The following DLGAP1 variants were observed in gnomAD, a reference collection of about 807,000 sequenced individuals.
DLGAP1 encodes DLG associated protein 1.
Under a neutral mutation model 90.8 loss-of-function variants are expected in DLGAP1, and 11 were observed. The observed-to-expected ratio is 0.12, with a 90% CI of 0.08 to 0.20. The LOEUF (loss-of-function observed/expected upper bound fraction) is 0.20. Among genes scored for constraint, DLGAP1 ranks in the 10% least tolerant of loss-of-function variants. The pLI, the probability that DLGAP1 is intolerant of heterozygous loss-of-function variation, is 1.00. For missense variants in DLGAP1, 1,050 were observed against 1,333.8 expected (o/e 0.79, Z 3.31); for synonymous variants, 558 against 540.7 (o/e 1.03, Z -0.44).
In DLGAP1 at chr18:4,388,356, GCA is replaced by G. The variant is rs572084029; in HGVS notation, c.-267+66648_-267+66649del. ...TTTCAGTTTTGCACATGTGCCTGTG[GCA>G]CATCCATAGGGAAGTATGTAGGAGG... On this transcript the variant is annotated intron_variant, in intron 1 of 12. Transcript: ENST00000315677. Among the ~76,000 whole-genome samples the G allele has an allele frequency of 7.2e-5, 11 of 152,182 alleles. No homozygotes were observed. The East Asian group carries it at 2.1e-3, about 30-fold the overall frequency.
intron 1 of DLGAP1, among the ~76,000 whole-genome samples, chr18:4,272,759 C>T (rs747735537): frequency 5.9e-5 from 9 of 152,188 alleles, no homozygotes; most frequent in Non-Finnish European, 1.3e-4. Flanking sequence ...TGTTCAAGTG[C>T]TAACCCTTGA....
intron 3 of DLGAP1, among the ~76,000 whole-genome samples, chr18:3,928,974 A>C (rs1360119122): frequency 1.3e-5 from 2 of 152,078 alleles, no homozygotes; most frequent in Non-Finnish European, 2.9e-5. Flanking sequence ...AGTTCTCACG[A>C]GATCTGATTG....
intron 4 of DLGAP1, among the ~76,000 whole-genome samples, chr18:3,847,176 AAAAT>A (rs1383019847): frequency 6.6e-6 from 1 of 152,204 alleles, no homozygotes; most frequent in African/African-American, 2.4e-5. Context: ...TTGGCCTAAG[AAAAT>A]AAATCCTGTT....
chr18:3,874,268 TCTCGGTCTG>T, intron 4 of DLGAP1: 1 of 1,549,750 alleles, frequency 6.5e-7, no homozygotes, highest in Non-Finnish European at 8.7e-7. Flanking sequence ...GTGCTTTCCT[TCTCGGTCTG>T]TCTTGCTCTC....
chr18:3,647,500 C>G (rs1599712031), intron 7 of DLGAP1, among the ~76,000 whole-genome samples: 1 of 148,840 alleles, frequency 6.7e-6, no homozygotes, highest in African/African-American at 2.5e-5. Context: ...GAGACTTGCT[C>G]TGTCACCCAG....
At position 4,222,721 on chromosome 18, in the gene DLGAP1, A is replaced by G. The variant is rs1784715; in HGVS notation, c.-266-71434T>C. Among the ~76,000 whole-genome samples the G allele has an allele frequency of 3.4e-5, 5 of 146,346 alleles. No individual in the cohort carries two copies. In the Admixed American group the frequency reaches 3.6e-4, roughly 10 times the overall value. On this transcript the variant is annotated intron_variant, in intron 1 of 12. Coordinates refer to ENST00000315677, the MANE Select transcript of DLGAP1 (RefSeq NM_004746.4). The stretch of plus-strand genomic sequence containing the variant: ...GTGGTGTTTCCCTATAGGGAATTCC[A>G]AAAGATATGTTTTAGACAGAAAAAA...
Position 4,454,406 on chromosome 18 carries a change from T to TTCTCTCTATCTCTC in DLGAP1, c.-267+599_-267+600insGAGAGATAGAGAGA, listed in dbSNP as rs112338095. 0.027 allele frequency among the ~76,000 whole-genome samples: 4,036 copies of TTCTCTCTATCTCTC among 150,620 alleles called. 61 individuals carry two copies. Among genetic ancestry groups the TTCTCTCTATCTCTC allele is most frequent in the South Asian group, 0.046 (219 of 4,758 alleles). On this transcript the variant is annotated intron_variant, in intron 1 of 12. Transcript: ENST00000315677. This position sits in a 1 kb window ranked among gnomAD's most constrained non-coding sequence, Gnocchi z 4.7. ...CAGTGACCTCCTCCTTGGACCCCAT[T>TTCTCTCTATCTCTC]TCTCTCTCTCTCTCTCTCTCTGTGC...
intron 2 of DLGAP1, among the ~76,000 whole-genome samples, chr18:4,088,086 AT>A (rs201363511): frequency 2.4e-5 from 3 of 125,176 alleles, no homozygotes; most frequent in East Asian, 2.2e-4. Flanking sequence ...TTAAACATTT[AT>A]TTTTTTCCTA....
chr18:4,050,980 T>C (rs1445029834), intron 2 of DLGAP1, among the ~76,000 whole-genome samples: 1 of 152,214 alleles, frequency 6.6e-6, no homozygotes, highest in Admixed American at 6.5e-5. Flanking sequence ...TGTTGTCATA[T>C]TTAACTAGGG....
At chr18:3,721,898 T>C (rs920512600) in intron 7 of DLGAP1, 1 of 152,184 alleles carries the variant, frequency 6.6e-6, no homozygotes, top group Non-Finnish European at 1.5e-5. Context: ...GTGCAAGTCA[T>C]AGAGTATTCA....
intron 1 of DLGAP1, among the ~76,000 whole-genome samples, chr18:4,452,726 T>C (rs928040144): frequency 5.9e-5 from 9 of 152,196 alleles, no homozygotes; most frequent in Admixed American, 1.3e-4. Context: ...ACTGGGTTTT[T>C]AGTCCTGGCA....
chr18:4,368,616 ATCTCTC>A (rs1344478475), intron 1 of DLGAP1, among the ~76,000 whole-genome samples: 2 of 132,780 alleles, frequency 1.5e-5, no homozygotes, highest in Non-Finnish European at 3.1e-5. Flanking sequence ...ATTCTTTAAA[ATCTCTC>A]TCTCTCTCTC....
intron 1 of DLGAP1, among the ~76,000 whole-genome samples, chr18:4,240,529 AGAACT>A (rs1257434577): frequency 6.6e-6 from 1 of 152,186 alleles, no homozygotes; most frequent in Non-Finnish European, 1.5e-5. Context: ...TGGTGAAAGT[AGAACT>A]TATGTAAGAC....
intron 1 of DLGAP1, among the ~76,000 whole-genome samples, chr18:4,322,649 A>T (rs1171804121): frequency 6.6e-6 from 1 of 152,142 alleles, no homozygotes. Context: ...GACAAATAGG[A>T]TTGTATCAAA....
At position 3,711,908 on chromosome 18, in the gene DLGAP1, AG is replaced by A. The variant is rs1257783001; in HGVS notation, c.1591+17226del. ...GCATCGGAGTATGAGGTTGTGGTTT[AG>A]GGATGGGGAGTGTGGGGATGGGCTG... On this transcript the variant is annotated intron_variant, in intron 7 of 12. Transcript: ENST00000315677. This position sits in a 1 kb window ranked among gnomAD's most constrained non-coding sequence, Gnocchi z 4.0. Among the ~76,000 whole-genome samples the A allele has an allele frequency of 6.6e-6, 1 of 152,156 alleles. No homozygotes were observed. The highest frequency in any genetic ancestry group is 1.5e-5 in the Non-Finnish European group (1 of 68,012).
chr18:4,136,134 C>T (rs1414570990), intron 2 of DLGAP1, among the ~76,000 whole-genome samples: 3 of 151,904 alleles, frequency 2.0e-5, no homozygotes, highest in Non-Finnish European at 4.4e-5. Context: ...TTTTCTTTAT[C>T]CGTTTGTCTG....
At chr18:3,932,814 GA>G (rs1361529608) in intron 3 of DLGAP1, among the ~76,000 whole-genome samples, 3 of 151,924 alleles carry the variant, frequency 2.0e-5, no homozygotes, top group South Asian at 2.1e-4. Context: ...CAAGTCATTA[GA>G]AAAAAAATTC....
At chr18:4,020,911 A>T (rs188160497) in intron 2 of DLGAP1, among the ~76,000 whole-genome samples, 320 of 152,230 alleles carry the variant, frequency 2.1e-3, no homozygotes, top group African/African-American at 7.4e-3. Flanking sequence ...ATTTTGCACA[A>T]CCTGTGTTCT....
At chr18:4,413,504 T>TCC (rs1407254344) in intron 1 of DLGAP1, among the ~76,000 whole-genome samples, 1 of 152,088 alleles carries the variant, frequency 6.6e-6, no homozygotes, top group African/African-American at 2.4e-5. Context: ...TGACAGAACC[T>TCC]CCCTCCCCTA....
Sources: allele counts gnomAD v4.1 joint callset (sites outside exome capture counted in the v4.1 genomes callset), GRCh38; gene constraint gnomAD v4.1.1; non-coding constraint Gnocchi (gnomAD v3.1); transcripts MANE v1.5; gene names NCBI Gene and HGNC (gene_info 2026-07-23, HGNC 2026-07-21).